The following SLC6A5 variants were observed in gnomAD, a reference collection of about 807,000 sequenced individuals.
The protein encoded by SLC6A5 is solute carrier family 6 member 5.
Under a neutral mutation model 90.5 loss-of-function variants are expected in SLC6A5, and 58 were observed. The observed-to-expected ratio is 0.64, with a 90% confidence interval of 0.52 to 0.80. The LOEUF (loss-of-function observed/expected upper bound fraction) is 0.80, where lower values mean the gene tolerates loss of function less well. Ranked by LOEUF, SLC6A5 falls within the 30% of genes least tolerant of loss-of-function variation. SLC6A5 has a pLI of 0.00. For missense variants in SLC6A5, 1,015 were observed against 1,017.6 expected, an observed-to-expected ratio of 1.00 and a Z score of 0.03; for synonymous variants, 427 against 401.4, an observed-to-expected ratio of 1.06 and a Z score of -0.76.
chr11:20,610,453 C>T (rs913390902), intron 5 of SLC6A5, among the ~76,000 whole-genome samples: 1 of 152,212 alleles, frequency 6.6e-6, no homozygotes, highest in Non-Finnish European at 1.5e-5. Context: ...TCTAGTGAGG[C>T]TGCCTGCGTG....
At position 20,601,320 on chromosome 11, in the gene SLC6A5, G is replaced by C; in HGVS notation, c.195G>C (p.Ala65=). The change falls in exon 2 of 16, where the codon GCG becomes GCC. Residue 65 remains alanine (A), a synonymous_variant. Transcript: ENST00000525748. ...ASTGAQTFQS[A]DARACEAERP... ...CCGGCGCCCAAACTTTCCAGTCAGC[G>C]GACGCGCGAGCCTGCGAGGCTGAGC... 1 of 1,593,244 alleles carries C rather than the reference G, an allele frequency of 6.3e-7. No individual in the cohort carries two copies. The highest frequency in any genetic ancestry group is 8.5e-7 in the Non-Finnish European group (1 of 1,174,040).
rs1240593100 is a variant in SLC6A5 at position 20,607,120 on chromosome 11, G to C, written c.793G>C (p.Ala265Pro). The C allele has an allele frequency of 1.2e-6, 2 of 1,613,946 alleles. No individual in the cohort carries two copies. The highest frequency in any genetic ancestry group is 1.7e-6 in the Non-Finnish European group (2 of 1,179,964). ...ASQGPVSVWK[A>P]IPALQGCGIA... The stretch of plus-strand genomic sequence containing the variant: ...CCAGGGACCAGTGTCTGTGTGGAAG[G>C]CCATCCCAGCTCTACAAGGTGAGTC... The change falls in exon 4 of 16, where the codon GCC becomes CCC. Residue 265 changes from alanine to proline, a missense_variant. By Grantham distance (27) the Ala-to-Pro change is conservative (BLOSUM62 -1). Transcript: ENST00000525748.
intron 5 of SLC6A5, among the ~76,000 whole-genome samples, chr11:20,612,044 C>G (rs1439461734): frequency 6.6e-6 from 1 of 152,162 alleles, no homozygotes; most frequent in East Asian, 1.9e-4. Flanking sequence ...TATCTGACCC[C>G]AAATGCCATT....
intron 3 of SLC6A5, among the ~76,000 whole-genome samples, chr11:20,605,032 A>C (rs536754615): frequency 4.4e-4 from 67 of 152,228 alleles, no homozygotes; most frequent in Non-Finnish European, 8.8e-4. Context: ...TGTTGAATGA[A>C]AGCCGTTTCA....
intron 2 of SLC6A5, 146 bp downstream of exon 2, chr11:20,601,811 T>C: frequency 1.1e-6 from 1 of 890,910 alleles, no homozygotes; most frequent in Non-Finnish European, 1.7e-6. Flanking sequence ...GCTTTGGGGC[T>C]TCGGAAGCTC....
chr11:20,654,409 A>T (rs1274325674), intron 15 of SLC6A5, among the ~76,000 whole-genome samples: 1 of 152,244 alleles, frequency 6.6e-6, no homozygotes, highest in African/African-American at 2.4e-5. Flanking sequence ...ATATATAATT[A>T]AAATCTGGGC....
chr11:20,600,390 G>C (rs910209112), intron 1 of SLC6A5, among the ~76,000 whole-genome samples: 1 of 147,584 alleles, frequency 6.8e-6, no homozygotes, highest in Non-Finnish European at 1.5e-5. Context: ...AGAAGAAGAA[G>C]AAGAAGAAGA....
chr11:20,640,893 T>C (rs1198943760), intron 13 of SLC6A5, among the ~76,000 whole-genome samples: 1 of 152,122 alleles, frequency 6.6e-6, no homozygotes, highest in Non-Finnish European at 1.5e-5. Flanking sequence ...ATTAAAAAAA[T>C]AAGCCAGTGA....
At chr11:20,646,990 T>C (rs1853428985) in intron 14 of SLC6A5, 56 bp downstream of exon 14, 9 of 1,163,688 alleles carry the variant, frequency 7.7e-6, no homozygotes, top group South Asian at 6.1e-5. Flanking sequence ...GTATGTGGTG[T>C]TTTACATTTG....
chr11:20,637,847 G>A (rs1197466529), intron 12 of SLC6A5, among the ~76,000 whole-genome samples: 1 of 152,144 alleles, frequency 6.6e-6, no homozygotes, highest in Non-Finnish European at 1.5e-5. Context: ...GTTTCTTCCA[G>A]TCCCAAGTGT....
intron 10 of SLC6A5, among the ~76,000 whole-genome samples, chr11:20,634,300 C>CGAT (rs1191277524): frequency 2.6e-5 from 4 of 152,176 alleles, no homozygotes; most frequent in Non-Finnish European, 4.4e-5. Flanking sequence ...AAACATCTAA[C>CGAT]GATGTTATTC....
chr11:20,641,937 C>T (rs1853321966), intron 13 of SLC6A5, among the ~76,000 whole-genome samples: 1 of 152,096 alleles, frequency 6.6e-6, no homozygotes, highest in South Asian at 2.1e-4. Context: ...GTCAGAAAAT[C>T]CTTGGAGGTG....
intron 4 of SLC6A5, 63 bp downstream of exon 4, chr11:20,607,201 TGCA>T (rs1852600405): frequency 1.3e-6 from 2 of 1,560,918 alleles, no homozygotes; most frequent in African/African-American, 2.7e-5. Flanking sequence ...TCTGGCACCA[TGCA>T]GCCCCAGGGA....
At chr11:20,610,674 T>G (rs867168197) in intron 5 of SLC6A5, among the ~76,000 whole-genome samples, 2 of 152,196 alleles carry the variant, frequency 1.3e-5, no homozygotes, top group Non-Finnish European at 2.9e-5. Flanking sequence ...TATTTGATAA[T>G]GATTAGGTGG....
Position 20,599,675 on chromosome 11 carries a change from GGTGA to G in SLC6A5, c.3+4_3+7del. On this transcript the variant is annotated splice_donor_variant and splice_donor_region_variant and intron_variant, in intron 1 of 15. Coordinates refer to ENST00000525748, the MANE Select transcript of SLC6A5 (RefSeq NM_004211.5). LOFTEE classifies it high-confidence loss of function. ...TCAGTCTGTTGCCTGTGTCAGACAT[GGTGA>G]GTGTTTGCTTTTGTTCTTTCAAGAG... 1.1e-5 allele frequency: 17 copies of G among 1,614,098 alleles called. No homozygotes were observed. Among genetic ancestry groups the G allele is most frequent in the Non-Finnish European group, 1.4e-5 (17 of 1,180,020 alleles).
At chr11:20,603,160 C>A (rs1197395961) in intron 2 of SLC6A5, among the ~76,000 whole-genome samples, 1 of 152,194 alleles carries the variant, frequency 6.6e-6, no homozygotes, top group Non-Finnish European at 1.5e-5. Flanking sequence ...CTGTGTCCTG[C>A]ACACCCTGTA....
chr11:20,638,396 C>T (rs1419214094), intron 12 of SLC6A5, 63 bp from the exon 13 acceptor site: 17 of 994,450 alleles, frequency 1.7e-5, no homozygotes, highest in Middle Eastern at 4.4e-4. Flanking sequence ...GGCTGTTAAA[C>T]GTGGGAAGAG....
chr11:20,610,711 A>T (rs956486615), intron 5 of SLC6A5, among the ~76,000 whole-genome samples: 4 of 152,178 alleles, frequency 2.6e-5, no homozygotes, highest in African/African-American at 9.7e-5. Context: ...CTGTTATTTG[A>T]TTAAAGAAGA....
intron 14 of SLC6A5, among the ~76,000 whole-genome samples, chr11:20,649,413 C>T (rs1044861954): frequency 4.6e-5 from 7 of 152,176 alleles, no homozygotes; most frequent in Non-Finnish European, 1.0e-4. Flanking sequence ...TATTATCTCT[C>T]ATGGCCAGTC....
Sources: allele counts gnomAD v4.1 joint callset (sites outside exome capture counted in the v4.1 genomes callset), GRCh38; gene constraint gnomAD v4.1.1; transcripts MANE v1.5; gene names NCBI Gene and HGNC (gene_info 2026-07-23, HGNC 2026-07-21).